RNASEH2B: variants seen among roughly 807,000 people sequenced by gnomAD.
RNASEH2B encodes Aicardi-Goutieres syndrome 2 protein.
Under a neutral mutation model 45.0 loss-of-function variants are expected in RNASEH2B, and 36 were observed. The ratio of observed to expected loss-of-function variants is 0.80; its 90% CI spans 0.61 to 1.06. The LOEUF (loss-of-function observed/expected upper bound fraction) is 1.06. Ranked by LOEUF, RNASEH2B falls within the 50% of genes least tolerant of loss-of-function variation. RNASEH2B has a pLI of 0.00. For synonymous variants in RNASEH2B, 119 were observed against 125.7 expected, an observed-to-expected ratio of 0.95 and a Z score of 0.35; for missense variants, 361 against 360.3, an observed-to-expected ratio of 1.00 and a Z score of -0.02.
intron 7 of RNASEH2B, among the ~76,000 whole-genome samples, chr13:50,946,172 T>G (rs1951898829): frequency 6.6e-6 from 1 of 152,224 alleles, no homozygotes; most frequent in Non-Finnish European, 1.5e-5. Context: ...TATTATTTTC[T>G]TTTCCAAGTA....
chr13:50,965,701 T>TCACTCA (rs1430979184), intron 9 of RNASEH2B, among the ~76,000 whole-genome samples: 5 of 152,234 alleles, frequency 3.3e-5, no homozygotes, highest in Non-Finnish European at 5.9e-5. Context: ...TGTATGGGCC[T>TCACTCA]TAAATTTGTG....
At chr13:50,932,008 A>G (rs1951686881) in intron 4 of RNASEH2B, among the ~76,000 whole-genome samples, 2 of 151,690 alleles carry the variant, frequency 1.3e-5, no homozygotes, top group Admixed American at 1.3e-4. Context: ...ATTACCACTG[A>G]TCTCATCAGA....
At chr13:50,949,622 G>A (rs1277276965) in intron 9 of RNASEH2B, 117 bp downstream of exon 9, 1 of 869,630 alleles carries the variant, frequency 1.1e-6, no homozygotes, top group African/African-American at 1.7e-5. Flanking sequence ...TTTGCATGGA[G>A]TGATGCCATG....
chr13:50,956,611 T>C lies in RNASEH2B; in HGVS notation c.*137T>C. 6.8e-7 allele frequency: 1 copy of C among 1,469,902 alleles called. No homozygotes were observed. The highest frequency in any genetic ancestry group is 9.0e-7 in the Non-Finnish European group (1 of 1,107,120). The allele number at this position is 1,469,902 out of a possible 1,614,324, so 91.1% of individuals were successfully genotyped here. A position where few individuals can be genotyped will look rare whatever the true frequency, so the allele number is the denominator to read the frequency against. ...GTTCTCTTAAACATTTCTTTGCATT[T>C]GGTTTTTGTGTTCCTGAACAAAATA... On this transcript the variant is annotated 3_prime_UTR_variant, in exon 11 of 11. Coordinates refer to ENST00000336617, the MANE Select transcript of RNASEH2B (RefSeq NM_024570.4).
At chr13:50,963,699 T>C (rs141014706) in intron 9 of RNASEH2B, among the ~76,000 whole-genome samples, 283 of 152,314 alleles carry the variant, frequency 1.9e-3, no homozygotes, top group African/African-American at 6.7e-3. Context: ...TCTAGAAAAG[T>C]CACAAAAATA....
At chr13:50,948,633 A>C (rs1951937082) in intron 8 of RNASEH2B, 1 of 152,204 alleles carries the variant, frequency 6.6e-6, no homozygotes, top group African/African-American at 2.4e-5. Flanking sequence ...TTGAAAAAGA[A>C]GTGTTAGAAG....
intron 9 of RNASEH2B, among the ~76,000 whole-genome samples, chr13:50,967,661 T>G (rs1007897602): frequency 3.3e-5 from 5 of 152,206 alleles, no homozygotes; most frequent in African/African-American, 1.2e-4. Flanking sequence ...ACTTTGACTC[T>G]GTTACATCCT....
In RNASEH2B at chr13:50,934,968, G is replaced by C. The variant is rs1951727784; in HGVS notation, c.405G>C (p.Glu135Asp). 6.2e-7 allele frequency: 1 copy of C among 1,613,516 alleles called. No homozygotes were observed. The highest frequency in any genetic ancestry group is 1.3e-5 in the African/African-American group (1 of 75,028). The change falls in exon 5 of 11, where the codon GAG (glutamate) becomes GAC (aspartate). Residue 135 changes from glutamate (E) to aspartate (D), a missense_variant. By Grantham distance (45) the Glu-to-Asp change is conservative (BLOSUM62 2). Coordinates refer to ENST00000336617, the MANE Select transcript of RNASEH2B (RefSeq NM_024570.4). Reference sequence around the variant, plus strand: ...TGTTGCTGAAACTTCCTGGACTTGAGAAGTTACTTCATCATGTGACAGAGG... The same window carrying C: ...TGTTGCTGAAACTTCCTGGACTTGACAAGTTACTTCATCATGTGACAGAGG... ...CILLLKLPGL[E>D]KLLHHVTEEK...
chr13:50,957,165 G>T (rs1952062225), downstream of RNASEH2B, among the ~76,000 whole-genome samples: 1 of 151,206 alleles, frequency 6.6e-6, no homozygotes, highest in Non-Finnish European at 1.5e-5. Flanking sequence ...ACTGTGTGAT[G>T]CTGAGGTTTG....
At chr13:50,958,305 A>C (rs976302578), downstream of RNASEH2B, among the ~76,000 whole-genome samples, 2 of 152,322 alleles carry the variant, frequency 1.3e-5, no homozygotes, top group South Asian at 4.1e-4. Flanking sequence ...ATTCCTCTGC[A>C]TATGGCTGGT....
chr13:50,920,164 C>A (rs1371083901), intron 1 of RNASEH2B, among the ~76,000 whole-genome samples: 1 of 152,172 alleles, frequency 6.6e-6, no homozygotes, highest in Non-Finnish European at 1.5e-5. Context: ...CATGCCTCAG[C>A]CTCCCAAGTA....
downstream of RNASEH2B, among the ~76,000 whole-genome samples, chr13:50,957,158 G>T (rs1223951337): frequency 6.6e-6 from 1 of 150,890 alleles, no homozygotes; most frequent in Non-Finnish European, 1.5e-5. Context: ...GAAGGATACT[G>T]TGTGATGCTG....
At chr13:50,911,857 CTGA>C (rs1052893595) in intron 1 of RNASEH2B, 5 of 152,172 alleles carry the variant, frequency 3.3e-5, no homozygotes, top group Admixed American at 6.5e-5. Flanking sequence ...TACACAATAG[CTGA>C]TGATAATTTG....
intron 6 of RNASEH2B, among the ~76,000 whole-genome samples, chr13:50,944,924 A>G (rs1162863472): frequency 6.6e-6 from 1 of 152,216 alleles, no homozygotes; most frequent in African/African-American, 2.4e-5. Flanking sequence ...CTTACTGATT[A>G]TATTTCCTAG....
chr13:50,954,844 TTGAG>T (rs1952024527), intron 10 of RNASEH2B: 1 of 152,192 alleles, frequency 6.6e-6, no homozygotes, highest in Non-Finnish European at 1.5e-5. Context: ...TTTGACGACA[TTGAG>T]TATTGCTTTT....
intron 9 of RNASEH2B, chr13:50,953,536 C>G (rs1952002377): frequency 3.9e-6 from 1 of 253,854 alleles, no homozygotes; most frequent in Non-Finnish European, 7.6e-6. Flanking sequence ...ACACCTGGCC[C>G]CCTTCAAGAG....
At chr13:50,958,918 T>G (rs1952082416), downstream of RNASEH2B, among the ~76,000 whole-genome samples, 1 of 152,200 alleles carries the variant, frequency 6.6e-6, no homozygotes, top group Non-Finnish European at 1.5e-5. Flanking sequence ...GGGAATATAT[T>G]TCATGGAAAG....
downstream of RNASEH2B, among the ~76,000 whole-genome samples, chr13:50,958,286 T>G (rs992533177): frequency 6.6e-6 from 1 of 152,138 alleles, no homozygotes; most frequent in African/African-American, 2.4e-5. Context: ...TAGGTAGGAG[T>G]CCAGTTTTAT....
intron 6 of RNASEH2B, among the ~76,000 whole-genome samples, chr13:50,944,755 G>GA (rs1212446372): frequency 1.3e-5 from 2 of 152,166 alleles, no homozygotes; most frequent in African/African-American, 4.8e-5. Context: ...CAAAGTAGTG[G>GA]AAAGATTTAG....
Sources: allele counts gnomAD v4.1 joint callset (sites outside exome capture counted in the v4.1 genomes callset), GRCh38; gene constraint gnomAD v4.1.1; transcripts MANE v1.5; gene names NCBI Gene and HGNC (gene_info 2026-07-23, HGNC 2026-07-21).